DCDC2C: variants seen among roughly 807,000 people sequenced by gnomAD.
DCDC2C encodes doublecortin domain containing 2C.
Under a neutral mutation model 45.0 loss-of-function variants are expected in DCDC2C, and 44 were observed. The observed-to-expected ratio is 0.98, with a 90% CI of 0.77 to 1.26. The LOEUF is 1.26. DCDC2C is among the 50% of genes most tolerant of loss of function. DCDC2C has a pLI of 0.00. For synonymous variants in DCDC2C, 187 were observed against 178.8 expected, an observed-to-expected ratio of 1.05 and a Z score of -0.37; for missense variants, 447 against 468.9, an observed-to-expected ratio of 0.95 and a Z score of 0.43.
chr2:3,778,980 C>T, intron 9 of DCDC2C, 96 bp downstream of exon 9: 2 of 1,233,458 alleles, frequency 1.6e-6, no homozygotes, highest in Non-Finnish European at 2.3e-6. Flanking sequence ...TCTGAGATCA[C>T]AAGTCGCTTC....
chr2:3,768,615 C>T (rs889283417), intron 7 of DCDC2C, among the ~76,000 whole-genome samples: 1 of 152,310 alleles, frequency 6.6e-6, no homozygotes, highest in South Asian at 2.1e-4. Flanking sequence ...ACTCTGTCAC[C>T]CAGGCTGGAG....
intron 2 of DCDC2C, among the ~76,000 whole-genome samples, chr2:3,711,043 G>A (rs1668194515): frequency 6.6e-6 from 1 of 152,210 alleles, no homozygotes. Context: ...CACCAACAGT[G>A]TATAAGCATT....
At chr2:3,756,670 G>A (rs574793913) in intron 6 of DCDC2C, among the ~76,000 whole-genome samples, 42 of 152,282 alleles carry the variant, frequency 2.8e-4, no homozygotes, top group Non-Finnish European at 4.0e-4. Context: ...TCACGGCCAC[G>A]GTCCTTATCC....
chr2:3,841,332 A>C (rs1672209360), intron 10 of DCDC2C, among the ~76,000 whole-genome samples: 1 of 151,926 alleles, frequency 6.6e-6, no homozygotes, highest in Non-Finnish European at 1.5e-5. Context: ...TTTAAAAGGC[A>C]AGGTGAACGC....
intron 3 of DCDC2C, among the ~76,000 whole-genome samples, chr2:3,729,587 A>G (rs1407897349): frequency 1.3e-5 from 2 of 152,224 alleles, no homozygotes; most frequent in African/African-American, 4.8e-5. Flanking sequence ...CTGGTCTGCA[A>G]GCTGGCAGTT....
intron 10 of DCDC2C, among the ~76,000 whole-genome samples, chr2:3,802,976 G>A (rs921108049): frequency 2.6e-5 from 4 of 152,174 alleles, no homozygotes; most frequent in Non-Finnish European, 2.9e-5. Context: ...TCCAGCATAT[G>A]TACCTACCAT....
intron 2 of DCDC2C, among the ~76,000 whole-genome samples, chr2:3,716,547 A>C (rs1668355462): frequency 6.6e-6 from 1 of 152,188 alleles, no homozygotes; most frequent in Non-Finnish European, 1.5e-5. Flanking sequence ...GTTTTGCTCT[A>C]AAGGAAGGAG....
chr2:3,754,455 T>A (rs950804418), intron 5 of DCDC2C, 137 bp from the exon 6 acceptor site: 5 of 735,782 alleles, frequency 6.8e-6, no homozygotes, highest in Non-Finnish European at 8.6e-6. Context: ...ATTGTTGCCA[T>A]GAGCCGTGTC....
intron 10 of DCDC2C, among the ~76,000 whole-genome samples, chr2:3,807,609 A>G (rs1018411699): frequency 1.3e-5 from 2 of 150,972 alleles, no homozygotes; most frequent in African/African-American, 4.9e-5. Flanking sequence ...AGTAGAATGC[A>G]TCCTTCTCGG....
At chr2:3,730,714 A>T (rs1361786795) in intron 3 of DCDC2C, among the ~76,000 whole-genome samples, 4 of 152,206 alleles carry the variant, frequency 2.6e-5, no homozygotes, top group Non-Finnish European at 5.9e-5. Context: ...GCCTAATCAC[A>T]AGAAACACTT....
chr2:3,817,500 G>T (rs939534841), intron 10 of DCDC2C, among the ~76,000 whole-genome samples: 2 of 152,180 alleles, frequency 1.3e-5, no homozygotes, highest in African/African-American at 4.8e-5. Context: ...TCAGGTGTGA[G>T]GAAGAAAATA....
At chr2:3,832,492 A>G (rs1361987245) in intron 10 of DCDC2C, among the ~76,000 whole-genome samples, 1 of 152,174 alleles carries the variant, frequency 6.6e-6, no homozygotes, top group Non-Finnish European at 1.5e-5. Flanking sequence ...GAGATTGTTG[A>G]TAACATAGAA....
chr2:3,834,854 G>C (rs1447394713), intron 10 of DCDC2C, among the ~76,000 whole-genome samples: 1 of 152,160 alleles, frequency 6.6e-6, no homozygotes, highest in African/African-American at 2.4e-5. Context: ...GAGGAAGGGA[G>C]GGAGCATCAC....
intron 10 of DCDC2C, among the ~76,000 whole-genome samples, chr2:3,829,651 C>A (rs530467862): frequency 2.6e-5 from 4 of 152,222 alleles, no homozygotes; most frequent in South Asian, 4.1e-4. Flanking sequence ...TTTTTTAATT[C>A]TTTCTTAATA....
intron 8 of DCDC2C, among the ~76,000 whole-genome samples, chr2:3,772,157 G>A (rs1206635351): frequency 6.6e-6 from 1 of 152,186 alleles, no homozygotes; most frequent in African/African-American, 2.4e-5. Flanking sequence ...CTTCTAGGTT[G>A]AAGAAGGGAA....
intron 10 of DCDC2C, among the ~76,000 whole-genome samples, chr2:3,800,293 G>A (rs554923813): frequency 1.1e-4 from 16 of 152,198 alleles, no homozygotes; most frequent in African/African-American, 3.1e-4. Context: ...AGATGAACCC[G>A]GTACCTCAGA....
intron 8 of DCDC2C, among the ~76,000 whole-genome samples, chr2:3,778,013 GCGCCAGGGCC>G (rs1670395267): frequency 1.3e-5 from 2 of 149,834 alleles, no homozygotes; most frequent in African/African-American, 4.9e-5. Flanking sequence ...GAAACAGGAG[GCGCCAGGGCC>G]TCCATCAGTA....
intron 2 of DCDC2C, among the ~76,000 whole-genome samples, chr2:3,715,256 A>G (rs1015839361): frequency 2.1e-4 from 32 of 152,154 alleles, no homozygotes; most frequent in African/African-American, 7.7e-4. Flanking sequence ...ATATGTTTTT[A>G]AAACCAGCCT....
chr2:3,814,632 T>C (rs2148217196), intron 10 of DCDC2C, among the ~76,000 whole-genome samples: 1 of 152,346 alleles, frequency 6.6e-6, no homozygotes, highest in East Asian at 1.9e-4. Flanking sequence ...ATTTTTATGT[T>C]GATTCTTTCT....
Sources: gnomAD v4.1 joint callset for allele counts (sites outside exome capture counted in the v4.1 genomes callset) on GRCh38, gnomAD v4.1.1 for gene constraint, MANE v1.5 for transcripts, NCBI Gene and HGNC (gene_info 2026-07-23, HGNC 2026-07-21) for gene names.